Variants in EMSY observed in about 807,000 individuals in gnomAD.
EMSY encodes the protein BRCA2-interacting transcriptional repressor EMSY.
Under a neutral mutation model 134.6 loss-of-function variants are expected in EMSY, and 26 were observed. The observed-to-expected ratio is 0.19, with a 90% CI of 0.14 to 0.27. The LOEUF is 0.27. EMSY is among the 10% of genes least tolerant of loss of function. The probability of loss-of-function intolerance (pLI) is 1.00; values close to 1 mark genes in which losing one functional copy is unlikely to be tolerated. For missense variants in EMSY, 1,305 were observed against 1,611.4 expected (o/e 0.81, Z 3.26); for synonymous variants, 579 against 577.8 (o/e 1.00, Z -0.03).
rs761861842 is a variant in EMSY, at chr11:76,538,007, A to C, written c.2515+57A>C. The C allele has an allele frequency of 3.0e-4, 425 of 1,423,836 alleles. 1 individual carries two copies. The highest frequency in any genetic ancestry group is 3.7e-4 in the Non-Finnish European group (385 of 1,049,234). The allele number at this position is 1,423,836 out of a possible 1,614,324, so 88.2% of individuals were successfully genotyped here. ...TAGGAGAACTACCTTCCTGGATTTC[A>C]TGGGATGATTGTGTGGGGGAGAATA... On this transcript the variant is annotated intron_variant, in intron 16 of 20. Coordinates refer to ENST00000334736, the Ensembl canonical transcript of EMSY.
chr11:76,541,055 A>T (rs1344501673), intron 17 of EMSY, among the ~76,000 whole-genome samples: 1 of 152,014 alleles, frequency 6.6e-6, no homozygotes, highest in Non-Finnish European at 1.5e-5. Context: ...CAAAACCCTG[A>T]CTCTACTAAA....
intron 7 of EMSY, among the ~76,000 whole-genome samples, chr11:76,471,323 T>C (rs1948560710): frequency 6.6e-6 from 1 of 152,190 alleles, no homozygotes; most frequent in South Asian, 2.1e-4. Context: ...CTCTTTGTTT[T>C]GTTTTTTACC....
chr11:76,463,643 A>AG (rs1206748236), intron 6 of EMSY, among the ~76,000 whole-genome samples, 178 bp from the exon 8 acceptor site: 1 of 150,642 alleles, frequency 6.6e-6, no homozygotes, highest in African/African-American at 2.4e-5. Flanking sequence ...AAAAAAAAAA[A>AG]AAAAAGAAAG....
intron 8 of EMSY, among the ~76,000 whole-genome samples, chr11:76,485,147 G>C (rs1257218174): frequency 6.6e-6 from 1 of 152,082 alleles, no homozygotes; most frequent in Non-Finnish European, 1.5e-5. Context: ...CATTCCTTAT[G>C]AAACTATTCC....
At chr11:76,550,881 A>G (rs1016796081) in exon 21 of EMSY, 1 of 152,466 alleles carries the variant, frequency 6.6e-6, no homozygotes, top group Non-Finnish European at 1.5e-5. Flanking sequence ...AGGATTGCCT[A>G]CGCTTTCCAC....
chr11:76,507,098 GCTGT>G (rs1366782712), intron 9 of EMSY, among the ~76,000 whole-genome samples: 1 of 152,150 alleles, frequency 6.6e-6, no homozygotes, highest in Non-Finnish European at 1.5e-5. Context: ...ATATTATACT[GCTGT>G]CTATTATGTG....
intron 8 of EMSY, among the ~76,000 whole-genome samples, chr11:76,480,536 T>C (rs1948930930): frequency 6.6e-6 from 1 of 152,206 alleles, no homozygotes; most frequent in Non-Finnish European, 1.5e-5. Context: ...TTTCCCCCAG[T>C]GTGACTTTAT....
chr11:76,549,910 C>A, intron 20 of EMSY, 42 bp from the exon 22 acceptor site: 2 of 1,421,924 alleles, frequency 1.4e-6, no homozygotes, highest in Non-Finnish European at 1.9e-6. Flanking sequence ...TATTCTGCTA[C>A]CTTTTCTTAC....
exon 19 of EMSY, chr11:76,544,465 C>G (rs748003150): frequency 6.2e-7 from 1 of 1,614,128 alleles, no homozygotes; most frequent in Admixed American, 1.7e-5. Flanking sequence ...TGCAGTGCTT[C>G]CAGACTAAAC....
In EMSY at chr11:76,458,089, T is replaced by G. The variant is rs1449511767; in HGVS notation, c.246-94T>G. On this transcript the variant is annotated intron_variant, in intron 4 of 20. Coordinates refer to ENST00000334736, the Ensembl canonical transcript of EMSY. ...TCTCCTATTCACTCAGGGCACTTTT[T>G]ATAATTTAAAAAGTTATATATGTTT... The G allele has an allele frequency of 2.4e-6, 3 of 1,232,008 alleles. No homozygotes were observed. The African/African-American group carries it at 4.7e-5, about 19-fold the overall frequency. The allele number at this position is 1,232,008 out of a possible 1,614,324, so 76.3% of individuals were successfully genotyped here.
At chr11:76,494,715 C>A (rs1302504447) in intron 8 of EMSY, among the ~76,000 whole-genome samples, 3 of 91,730 alleles carry the variant, frequency 3.3e-5, no homozygotes, top group Non-Finnish European at 4.7e-5. Context: ...TCCTTCCTTC[C>A]TTCCTTCCTT....
chr11:76,541,697 G>C (rs149090296), intron 17 of EMSY, among the ~76,000 whole-genome samples: 2 of 152,278 alleles, frequency 1.3e-5, no homozygotes, highest in East Asian at 3.9e-4. Flanking sequence ...GAACTGTAAG[G>C]TTGTGAGACA....
chr11:76,451,023 T>C (rs1394799411), intron 2 of EMSY, among the ~76,000 whole-genome samples: 1 of 151,896 alleles, frequency 6.6e-6, no homozygotes, highest in Admixed American at 6.6e-5. Flanking sequence ...TCTCGAACTC[T>C]TGGACTCAAG....
intron 9 of EMSY, among the ~76,000 whole-genome samples, chr11:76,510,595 G>T (rs886661522): frequency 2.6e-5 from 4 of 152,164 alleles, no homozygotes; most frequent in South Asian, 2.1e-4. Flanking sequence ...CACAAGCCAG[G>T]GCAAGGGCTA....
At chr11:76,505,532 A>G (rs1950040345) in intron 9 of EMSY, among the ~76,000 whole-genome samples, 1 of 151,600 alleles carries the variant, frequency 6.6e-6, no homozygotes, top group Admixed American at 6.6e-5. Flanking sequence ...GGAGAGAAGA[A>G]TAGTGGTATT....
chr11:76,472,942 C>T lies in EMSY; in HGVS notation c.1108+102C>T, dbSNP rs567012258. ...TCTGCTTTGGATATGAAGGTCCCTACTATTAGACCCAAGATCACCACCCCG... is the reference window on the plus strand; with the variant it reads ...TCTGCTTTGGATATGAAGGTCCCTATTATTAGACCCAAGATCACCACCCCG... On this transcript the variant is annotated intron_variant, in intron 8 of 20. Coordinates refer to ENST00000334736, the Ensembl canonical transcript of EMSY. 2.4e-6 allele frequency: 3 copies of T among 1,260,280 alleles called. 1 individual carries two copies. The South Asian group carries it at 4.2e-5, about 18-fold the overall frequency. 78.1% of individuals were successfully genotyped at this position (1,260,280 alleles called of 1,614,324 possible).
At chr11:76,539,719 G>A (rs1007952183) in intron 17 of EMSY, 79 bp downstream of exon 18, 47 of 1,333,720 alleles carry the variant, frequency 3.5e-5, no homozygotes, top group Non-Finnish European at 4.2e-5. Flanking sequence ...AAATGGATGC[G>A]CTCTACTCTC....
intron 8 of EMSY, among the ~76,000 whole-genome samples, chr11:76,473,818 C>T (rs1948671765): frequency 6.6e-6 from 1 of 151,334 alleles, no homozygotes; most frequent in Admixed American, 6.6e-5. Context: ...CATGGTGAAA[C>T]CCTGTCTCTA....
chr11:76,505,105 G>A (rs1950020051), intron 9 of EMSY, among the ~76,000 whole-genome samples: 1 of 152,132 alleles, frequency 6.6e-6, no homozygotes, highest in Non-Finnish European at 1.5e-5. Context: ...ACATATCTGT[G>A]AATATATTAA....
Sources: gnomAD v4.1 joint callset for allele counts (sites outside exome capture counted in the v4.1 genomes callset) on GRCh38, gnomAD v4.1.1 for gene constraint, MANE v1.5 for transcripts, NCBI Gene and HGNC (gene_info 2026-07-23, HGNC 2026-07-21) for gene names.